OPRD1: variants seen among roughly 807,000 people sequenced by gnomAD.
OPRD1 encodes the protein delta-type opioid receptor.
Under a neutral mutation model 17.5 loss-of-function variants are expected in OPRD1, and 19 were observed. The observed-to-expected ratio is 1.09, with a 90% CI of 0.76 to 1.60. OPRD1 has a LOEUF of 1.60. OPRD1 is among the 40% of genes most tolerant of loss of function. The pLI, the probability that OPRD1 is intolerant of heterozygous loss-of-function variation, is 0.00. For synonymous variants in OPRD1, 256 were observed against 240.9 expected (o/e 1.06, Z -0.58); for missense variants, 483 against 547.2 (o/e 0.88, Z 1.17).
Position 28,863,224 on chromosome 1 carries a change from C to A in OPRD1, c.1060C>A (p.Arg354Ser), listed in dbSNP as rs1318960486. 2.5e-6 allele frequency: 4 copies of A among 1,569,792 alleles called. No individual in the cohort carries two copies. In the African/African-American group the frequency reaches 5.4e-5, roughly 21 times the overall value. Residue 354 changes from arginine (R) to serine (S), a missense_variant, in exon 3 of 3, where the codon CGC becomes AGC. Arg to Ser is a moderately radical substitution (Grantham distance 110). Coordinates refer to ENST00000234961, the MANE Select transcript of OPRD1 (RefSeq NM_000911.4). ...SFSRAREATA[R>S]ERVTACTPSD... ...CAGCCGCGCCCGCGAAGCCACGGCC[C>A]GCGAGCGTGTCACCGCCTGCACCCC...
chr1:28,831,103 A>G (rs1028937861), intron 1 of OPRD1, among the ~76,000 whole-genome samples: 4 of 152,206 alleles, frequency 2.6e-5, no homozygotes, highest in Non-Finnish European at 5.9e-5. Context: ...GAAATACCCC[A>G]CATCTAGTGA....
rs204062 is a variant in OPRD1 at position 28,871,207 on chromosome 1, G to C, written c.*7924G>C. On this transcript the variant is annotated 3_prime_UTR_variant, in exon 3 of 3. Coordinates refer to ENST00000234961, the MANE Select transcript of OPRD1 (RefSeq NM_000911.4). ...TTTTGCCTACCCCAGGCTCCATCTT[G>C]GTACCAAGTACTCAACCTTCTGTTT... 16,480 of 151,714 alleles carry C rather than the reference G, an allele frequency of 0.11. 1,176 individuals carry two copies. Among genetic ancestry groups the C allele is most frequent in the African/African-American group, 0.19 (7,982 of 41,312 alleles). 9.4% of individuals were successfully genotyped at this position (151,714 alleles called of 1,614,324 possible). A position where few individuals can be genotyped will look rare whatever the true frequency, so the allele number is the denominator to read the frequency against.
intron 1 of OPRD1, among the ~76,000 whole-genome samples, chr1:28,851,082 C>T (rs920682442): frequency 6.6e-6 from 1 of 151,916 alleles, no homozygotes; most frequent in Non-Finnish European, 1.5e-5. Context: ...AGGAAGGTAA[C>T]AAGTACTGAG....
Position 28,812,400 on chromosome 1 carries a change from C to G in OPRD1, c.17C>G (p.Ser6Cys). 1 of 1,439,432 alleles carries G rather than the reference C, an allele frequency of 6.9e-7. No homozygotes were observed. The highest frequency in any genetic ancestry group is 9.1e-7 in the Non-Finnish European group (1 of 1,103,012). 89.2% of individuals were successfully genotyped at this position (1,439,432 alleles called of 1,614,324 possible). A position where few individuals can be genotyped will look rare whatever the true frequency, so the allele number is the denominator to read the frequency against. MEPAP[S>C]AGAELQPPLF... ...CCGGCAGCCATGGAACCGGCCCCCT[C>G]CGCCGGCGCCGAGCTGCAGCCCCCG... The change falls in exon 1 of 3, where the codon TCC (serine) becomes TGC (cysteine). Residue 6 changes from serine (S) to cysteine (C), a missense_variant. By Grantham distance (112) the Ser-to-Cys change is moderately radical (BLOSUM62 -1). Transcript: ENST00000234961.
At chr1:28,848,956 AC>A (rs2088976312) in intron 1 of OPRD1, among the ~76,000 whole-genome samples, 1 of 152,024 alleles carries the variant, frequency 6.6e-6, no homozygotes, top group Non-Finnish European at 1.5e-5. Flanking sequence ...ACTGTTAGGC[AC>A]CCCCATCTTT....
chr1:28,845,168 C>T (rs1316261640), intron 1 of OPRD1, among the ~76,000 whole-genome samples: 2 of 151,704 alleles, frequency 1.3e-5, no homozygotes, highest in South Asian at 4.2e-4. Flanking sequence ...TATGGTGAAA[C>T]CCCGTCTCTA....
chr1:28,851,400 G>T (rs1357380260), intron 1 of OPRD1, among the ~76,000 whole-genome samples: 1 of 152,192 alleles, frequency 6.6e-6, no homozygotes, highest in Non-Finnish European at 1.5e-5. Flanking sequence ...ACAAGCAAGG[G>T]TGTAAAAATT....
At chr1:28,836,048 A>G (rs2088849865) in intron 1 of OPRD1, among the ~76,000 whole-genome samples, 1 of 152,202 alleles carries the variant, frequency 6.6e-6, no homozygotes, top group African/African-American at 2.4e-5. Context: ...CTTCTAGGCT[A>G]ACATTCTATA....
chr1:28,860,381 T>G lies in OPRD1; in HGVS notation c.577+1078T>G, dbSNP rs1304266585. Reference sequence around the variant, plus strand: ...CTTGTCTAAAAAAAAAAAAAAAAATTTATGGCCCATTTCTTCTAGTGACAG... The same window carrying G: ...CTTGTCTAAAAAAAAAAAAAAAAATGTATGGCCCATTTCTTCTAGTGACAG... On this transcript the variant is annotated intron_variant, in intron 2 of 2. Coordinates refer to ENST00000234961, the MANE Select transcript of OPRD1 (RefSeq NM_000911.4). Among the ~76,000 whole-genome samples the G allele has an allele frequency of 5.9e-5, 9 of 151,524 alleles. No homozygotes were observed. The East Asian group carries it at 1.6e-3, about 26-fold the overall frequency.
intron 1 of OPRD1, among the ~76,000 whole-genome samples, chr1:28,823,566 T>C (rs2088734978): frequency 6.6e-6 from 1 of 151,980 alleles, no homozygotes; most frequent in Non-Finnish European, 1.5e-5. Context: ...TGGCTAATTT[T>C]TGTATTTTTT....
At chr1:28,862,523 C>G (rs2147752146) in intron 2 of OPRD1, among the ~76,000 whole-genome samples, 1 of 152,342 alleles carries the variant, frequency 6.6e-6, no homozygotes, top group Admixed American at 6.5e-5. Flanking sequence ...GGGGACCTCC[C>G]TGATGAGGGC....
At chr1:28,836,289 G>A (rs2088852474) in intron 1 of OPRD1, among the ~76,000 whole-genome samples, 1 of 152,190 alleles carries the variant, frequency 6.6e-6, no homozygotes, top group Non-Finnish European at 1.5e-5. Flanking sequence ...GCCAAGGCGG[G>A]TGGATCACAA....
At chr1:28,822,184 C>T (rs370132712) in intron 1 of OPRD1, among the ~76,000 whole-genome samples, 1 of 151,922 alleles carries the variant, frequency 6.6e-6, no homozygotes, top group Non-Finnish European at 1.5e-5. Context: ...CTCCTGACCT[C>T]GTGATCCGCC....
At chr1:28,858,499 C>T (rs960527612) in intron 1 of OPRD1, among the ~76,000 whole-genome samples, 5 of 151,824 alleles carry the variant, frequency 3.3e-5, no homozygotes, top group Admixed American at 6.6e-5. Context: ...AGGAGCGATG[C>T]CAAATCAGAT....
chr1:28,832,883 G>C (rs558678950), intron 1 of OPRD1, among the ~76,000 whole-genome samples: 1 of 152,312 alleles, frequency 6.6e-6, no homozygotes, highest in African/African-American at 2.4e-5. Flanking sequence ...TTCTTTGCTG[G>C]GGAGCTGGGT....
Position 28,864,462 on chromosome 1 carries a change from G to A in OPRD1, c.*1179G>A, listed in dbSNP as rs1241058136. 1 of 152,246 alleles carries A rather than the reference G, an allele frequency of 6.6e-6. No individual in the cohort carries two copies. Among genetic ancestry groups the A allele is most frequent in the Non-Finnish European group, 1.5e-5 (1 of 68,126 alleles). 9.4% of individuals were successfully genotyped at this position (152,246 alleles called of 1,614,324 possible). On this transcript the variant is annotated 3_prime_UTR_variant, in exon 3 of 3. Transcript: ENST00000234961. ...GATAGGGTAATAAGACAGGACCTTG[G>A]TTGGAGTAGGGTCCCCAGAACTGAG... is the stretch of plus-strand genomic sequence containing the variant.
At chr1:28,814,347 G>A (rs2088655474) in intron 1 of OPRD1, among the ~76,000 whole-genome samples, 1 of 152,200 alleles carries the variant, frequency 6.6e-6, no homozygotes, top group Non-Finnish European at 1.5e-5. Context: ...CAGTGAGAGA[G>A]CACATAACGC....
chr1:28,824,784 G>A (rs2088750129), intron 1 of OPRD1, among the ~76,000 whole-genome samples: 1 of 152,150 alleles, frequency 6.6e-6, no homozygotes, highest in African/African-American at 2.4e-5. Flanking sequence ...CATGCCCAAA[G>A]TCCCAAGATA....
chr1:28,850,741 C>A (rs931158854), intron 1 of OPRD1, among the ~76,000 whole-genome samples: 1 of 150,362 alleles, frequency 6.7e-6, no homozygotes, highest in Non-Finnish European at 1.5e-5. Context: ...TGTGATCACA[C>A]GAGTGCACTC....
Sources: gnomAD v4.1 joint callset for allele counts (sites outside exome capture counted in the v4.1 genomes callset) on GRCh38, gnomAD v4.1.1 for gene constraint, MANE v1.5 for transcripts, NCBI Gene and HGNC (gene_info 2026-07-23, HGNC 2026-07-21) for gene names.